The following EYS variants were observed in gnomAD, a reference collection of about 807,000 sequenced individuals.
EYS encodes protein eyes shut homolog.
A neutral mutation model predicts 282.1 loss-of-function variants in EYS; 250 were observed. That is an observed-to-expected ratio of 0.89 (90% CI 0.80 to 0.98). The LOEUF (loss-of-function observed/expected upper bound fraction) is 0.98. EYS is among the 50% of genes least tolerant of loss of function. The probability of loss-of-function intolerance (pLI) is 0.00; values close to 1 mark genes in which losing one functional copy is unlikely to be tolerated. For synonymous variants in EYS, 1,355 were observed against 1,282.9 expected (o/e 1.06, Z -1.20); for missense variants, 4,016 against 3,709.0 (o/e 1.08, Z -2.15).
intron 5 of EYS, among the ~76,000 whole-genome samples, chr6:65,428,722 T>C (rs185860876): frequency 6.6e-6 from 1 of 152,246 alleles, no homozygotes; most frequent in African/African-American, 2.4e-5. Context: ...TCTTACATCA[T>C]ATTGGGAACT....
chr6:64,088,589 G>A (rs1340922445), intron 31 of EYS, among the ~76,000 whole-genome samples: 1 of 151,910 alleles, frequency 6.6e-6, no homozygotes, highest in Admixed American at 6.6e-5. Flanking sequence ...TGAAAGCACA[G>A]TATTGAGTTT....
At position 64,467,225 on chromosome 6, in the gene EYS, A is replaced by AT. The variant is rs578154711; in HGVS notation, c.5645-27874dup. The stretch of plus-strand genomic sequence containing the variant: ...AGAGAATGTAATTACTCTGATTAAG[A>AT]TTTTTTTTAAATAACTATCTTATTG... On this transcript the variant is annotated intron_variant, in intron 26 of 42. Transcript: ENST00000503581. Among the ~76,000 whole-genome samples, 295 of 152,158 alleles carry AT rather than the reference A, an allele frequency of 1.9e-3. 1 individual carries two copies. Among genetic ancestry groups the AT allele is most frequent in the African/African-American group, 6.5e-3 (271 of 41,502 alleles).
intron 4 of EYS, among the ~76,000 whole-genome samples, chr6:65,492,555 C>A (rs1308135595): frequency 6.6e-6 from 1 of 152,136 alleles, no homozygotes; most frequent in Non-Finnish European, 1.5e-5. Flanking sequence ...CTTTAAAACT[C>A]TTTGGACAGG....
chr6:64,931,796 A>G (rs577885897), intron 15 of EYS, among the ~76,000 whole-genome samples: 86 of 152,248 alleles, frequency 5.6e-4, no homozygotes, highest in Admixed American at 2.9e-3. Context: ...AAGCTTGCAA[A>G]TGTAATGTAA....
intron 2 of EYS, among the ~76,000 whole-genome samples, chr6:65,571,779 T>A (rs1764484855): frequency 1.3e-5 from 2 of 152,036 alleles, no homozygotes; most frequent in South Asian, 4.1e-4. Context: ...AAACATTTTT[T>A]AAAAAACCTT....
intron 12 of EYS, among the ~76,000 whole-genome samples, chr6:65,162,615 TA>T (rs1273851533): frequency 1.5e-4 from 23 of 151,092 alleles, no homozygotes; most frequent in Non-Finnish European, 1.0e-4. Context: ...TATTTTATTT[TA>T]TTTTTTTGGC....
chr6:63,932,890 C>T (rs1581993226), intron 35 of EYS, among the ~76,000 whole-genome samples: 1 of 152,372 alleles, frequency 6.6e-6, no homozygotes, highest in East Asian at 1.9e-4. Flanking sequence ...CTTCAGATGC[C>T]AGTCACAAGC....
chr6:65,377,071 A>AT (rs1765397113), intron 8 of EYS, among the ~76,000 whole-genome samples: 2 of 152,188 alleles, frequency 1.3e-5, no homozygotes, highest in African/African-American at 4.8e-5. Flanking sequence ...CAGAATATAC[A>AT]TTTTTATCAG....
At chr6:63,985,271 G>A (rs1019317127) in intron 34 of EYS, among the ~76,000 whole-genome samples, 5 of 151,592 alleles carry the variant, frequency 3.3e-5, no homozygotes, top group African/African-American at 1.2e-4. Flanking sequence ...TGCATCTATG[G>A]GCTAAGGAAC....
intron 19 of EYS, among the ~76,000 whole-genome samples, chr6:64,826,460 T>C (rs1765058854): frequency 6.6e-6 from 1 of 151,676 alleles, no homozygotes; most frequent in South Asian, 2.1e-4. Context: ...ATATTTGAGT[T>C]TTTTTCCTAT....
At chr6:65,686,798 C>T (rs1265667437) in intron 1 of EYS, among the ~76,000 whole-genome samples, 1 of 151,954 alleles carries the variant, frequency 6.6e-6, no homozygotes, top group Non-Finnish European at 1.5e-5. Flanking sequence ...GTCATTATAA[C>T]ACATGAGGTG....
chr6:64,303,840 C>CAAAAAA (rs149728709), intron 30 of EYS, among the ~76,000 whole-genome samples: 39 of 78,228 alleles, frequency 5.0e-4, no homozygotes, highest in African/African-American at 1.9e-3. Context: ...AACTCCGTCT[C>CAAAAAA]AAAAAAAAAA....
intron 2 of EYS, among the ~76,000 whole-genome samples, chr6:65,517,347 A>AAAAAAAT (rs1303849302): frequency 1.6e-3 from 249 of 151,632 alleles, no homozygotes; most frequent in African/African-American, 5.9e-3. Flanking sequence ...ACAACAAAAA[A>AAAAAAAT]AAAACAAAAG....
intron 5 of EYS, among the ~76,000 whole-genome samples, chr6:65,436,580 C>T (rs1768083298): frequency 6.6e-6 from 1 of 152,120 alleles, no homozygotes; most frequent in Non-Finnish European, 1.5e-5. Context: ...CACTTGTAAA[C>T]CATTTGTGAC....
chr6:64,703,644 T>A (rs1166294571), intron 22 of EYS, among the ~76,000 whole-genome samples: 1 of 151,410 alleles, frequency 6.6e-6, no homozygotes, highest in African/African-American at 2.4e-5. Context: ...GACTCTTTGG[T>A]TCATTACAAC....
intron 31 of EYS, among the ~76,000 whole-genome samples, chr6:64,220,950 A>T (rs1389500332): frequency 6.6e-6 from 1 of 152,110 alleles, no homozygotes. Context: ...TCAAAATCAC[A>T]CTATCACACT....
chr6:65,466,011 GAGAA>G, intron 5 of EYS, among the ~76,000 whole-genome samples: 1 of 152,016 alleles, frequency 6.6e-6, no homozygotes, highest in African/African-American at 2.4e-5. Context: ...TAATAAATAA[GAGAA>G]AGAAAATTCT....
intron 35 of EYS, among the ~76,000 whole-genome samples, chr6:63,957,087 G>A (rs1450196847): frequency 6.6e-6 from 1 of 152,100 alleles, no homozygotes; most frequent in Non-Finnish European, 1.5e-5. Context: ...TGAACTCATA[G>A]CCAATAGCAT....
At chr6:64,789,362 C>T (rs954892619) in intron 22 of EYS, among the ~76,000 whole-genome samples, 1 of 152,092 alleles carries the variant, frequency 6.6e-6, no homozygotes, top group Non-Finnish European at 1.5e-5. Context: ...CCTTTCTTAA[C>T]CAGAGGAACA....
Sources: gnomAD v4.1 joint callset for allele counts (sites outside exome capture counted in the v4.1 genomes callset) on GRCh38, gnomAD v4.1.1 for gene constraint, MANE v1.5 for transcripts, NCBI Gene and HGNC (gene_info 2026-07-23, HGNC 2026-07-21) for gene names.